Variants in TEAD1 observed in about 807,000 individuals in gnomAD.
TEAD1 encodes transcriptional enhancer factor TEF-1.
Under a neutral mutation model 54.9 loss-of-function variants are expected in TEAD1, and 9 were observed. The observed-to-expected ratio is 0.16, with a 90% CI of 0.10 to 0.29. TEAD1 has a LOEUF of 0.29. Among genes scored for constraint, TEAD1 ranks in the 10% least tolerant of loss-of-function variants. The probability of loss-of-function intolerance (pLI) is 1.00; values close to 1 mark genes in which losing one functional copy is unlikely to be tolerated. For missense variants in TEAD1, 387 were observed against 535.9 expected (o/e 0.72, Z 2.74); for synonymous variants, 200 against 187.8 (o/e 1.07, Z -0.53).
At chr11:12,795,918 A>T (rs551637580) in intron 3 of TEAD1, among the ~76,000 whole-genome samples, 1 of 152,290 alleles carries the variant, frequency 6.6e-6, no homozygotes, top group Non-Finnish European at 1.5e-5. Context: ...TGAGGCACTG[A>T]CGTTTATATT....
chr11:12,678,698 T>C (rs1028703419), intron 2 of TEAD1, among the ~76,000 whole-genome samples: 6 of 152,338 alleles, frequency 3.9e-5, no homozygotes, highest in Middle Eastern at 3.4e-3. Context: ...TGTGGAGTGC[T>C]AGTATATTTG....
intron 2 of TEAD1, among the ~76,000 whole-genome samples, chr11:12,691,617 A>G (rs765062599): frequency 2.6e-5 from 4 of 152,150 alleles, no homozygotes; most frequent in Non-Finnish European, 4.4e-5. Context: ...CCTTAAGAAA[A>G]AGACCAAACT....
chr11:12,902,296 C>T (rs527758906), intron 10 of TEAD1, among the ~76,000 whole-genome samples, 183 bp downstream of exon 10: 1 of 152,340 alleles, frequency 6.6e-6, no homozygotes, highest in African/African-American at 2.4e-5. Flanking sequence ...CCTTATGCAT[C>T]CACATGGTGC....
chr11:12,871,496 C>G (rs544720716), intron 5 of TEAD1, among the ~76,000 whole-genome samples: 134 of 152,310 alleles, frequency 8.8e-4, no homozygotes, highest in Non-Finnish European at 1.7e-3. Flanking sequence ...GTTAAGCAGT[C>G]TTTTTCCTAC....
At chr11:12,748,509 G>A (rs1944797852) in intron 2 of TEAD1, among the ~76,000 whole-genome samples, 1 of 152,190 alleles carries the variant, frequency 6.6e-6, no homozygotes, top group South Asian at 2.1e-4. Context: ...TCAGTCCTGA[G>A]TGAGTGGGGA....
intron 10 of TEAD1, among the ~76,000 whole-genome samples, chr11:12,913,632 A>T (rs1177179301): frequency 6.6e-6 from 1 of 152,192 alleles, no homozygotes; most frequent in African/African-American, 2.4e-5. Context: ...GAGTTGTCAG[A>T]TTTATCAGGT....
At chr11:12,685,368 TA>T (rs1195850021) in intron 2 of TEAD1, among the ~76,000 whole-genome samples, 2 of 152,182 alleles carry the variant, frequency 1.3e-5, no homozygotes, top group African/African-American at 4.8e-5. Context: ...GGGAGTCTAC[TA>T]AAATTACTGA....
intron 3 of TEAD1, among the ~76,000 whole-genome samples, chr11:12,853,865 G>T (rs1338845922): frequency 6.6e-6 from 1 of 152,144 alleles, no homozygotes; most frequent in Non-Finnish European, 1.5e-5. Flanking sequence ...ACACTCACTG[G>T]CAGGGATATG....
At chr11:12,774,719 A>G (rs1021589929) in intron 3 of TEAD1, among the ~76,000 whole-genome samples, 1 of 152,204 alleles carries the variant, frequency 6.6e-6, no homozygotes, top group Admixed American at 6.5e-5. Flanking sequence ...AAATGTAATT[A>G]TGTATGAAGA....
chr11:12,772,641 T>C (rs1422321893), intron 3 of TEAD1, among the ~76,000 whole-genome samples: 2 of 152,184 alleles, frequency 1.3e-5, no homozygotes, highest in Admixed American at 1.3e-4. Context: ...TGAGATACTG[T>C]AGATTCACAT....
chr11:12,836,419 C>A (rs75883542), intron 3 of TEAD1, among the ~76,000 whole-genome samples: 562 of 132,258 alleles, frequency 4.2e-3, no homozygotes, highest in Non-Finnish European at 4.6e-3. Flanking sequence ...GACTCCGTCT[C>A]AAAAAAAAAA....
At chr11:12,739,400 T>C (rs1191512812) in intron 2 of TEAD1, among the ~76,000 whole-genome samples, 3 of 152,210 alleles carry the variant, frequency 2.0e-5, no homozygotes, top group Non-Finnish European at 2.9e-5. Flanking sequence ...AGAACTCTTT[T>C]TATCTGCAAA....
intron 3 of TEAD1, among the ~76,000 whole-genome samples, chr11:12,854,140 T>G (rs1171217841): frequency 6.6e-6 from 1 of 152,132 alleles, no homozygotes; most frequent in Non-Finnish European, 1.5e-5. Flanking sequence ...TGGTCAATGA[T>G]TTATATTGAG....
At chr11:12,871,538 G>A (rs1181945744) in intron 5 of TEAD1, among the ~76,000 whole-genome samples, 2 of 152,182 alleles carry the variant, frequency 1.3e-5, no homozygotes, top group East Asian at 3.9e-4. Context: ...CCATGCAGGA[G>A]TCTCTTTGCC....
intron 5 of TEAD1, among the ~76,000 whole-genome samples, chr11:12,872,754 A>G (rs374455933): frequency 6.6e-6 from 1 of 152,188 alleles, no homozygotes; most frequent in African/African-American, 2.4e-5. Context: ...AATGCCCTAG[A>G]ATGACATCTA....
At chr11:12,888,639 T>C (rs1369553298) in intron 9 of TEAD1, among the ~76,000 whole-genome samples, 2 of 152,348 alleles carry the variant, frequency 1.3e-5, no homozygotes, top group Admixed American at 6.5e-5. Flanking sequence ...TCACCACATA[T>C]GTCACCCTTG....
intron 3 of TEAD1, among the ~76,000 whole-genome samples, chr11:12,826,667 CA>C (rs1946663313): frequency 6.6e-6 from 1 of 152,130 alleles, no homozygotes; most frequent in Admixed American, 6.5e-5. Context: ...ACTTCATCTG[CA>C]AAATAGAGAT....
At chr11:12,911,956 CTTT>C (rs530440600) in intron 10 of TEAD1, among the ~76,000 whole-genome samples, 1 of 143,750 alleles carries the variant, frequency 7.0e-6, no homozygotes, top group Admixed American at 7.0e-5. Flanking sequence ...ATTTTCAAGG[CTTT>C]TTTTTTTTAA....
intron 2 of TEAD1, among the ~76,000 whole-genome samples, chr11:12,724,895 G>T (rs1043766267): frequency 4.6e-5 from 7 of 152,220 alleles, no homozygotes; most frequent in African/African-American, 7.2e-5. Flanking sequence ...CGAGGCCTGT[G>T]CTTCCGGGGC....
Sources: gnomAD v4.1 joint callset for allele counts (sites outside exome capture counted in the v4.1 genomes callset) on GRCh38, gnomAD v4.1.1 for gene constraint, MANE v1.5 for transcripts, NCBI Gene and HGNC (gene_info 2026-07-23, HGNC 2026-07-21) for gene names.